DCLK1: variants seen among roughly 807,000 people sequenced by gnomAD.
DCLK1 encodes the protein doublecortin like kinase 1.
DCLK1 carries 16 observed loss-of-function variants against 86.2 expected under a neutral mutation model. The ratio of observed to expected loss-of-function variants is 0.19; its 90% confidence interval spans 0.13 to 0.28. The LOEUF is 0.28. Ranked by LOEUF, DCLK1 falls within the 10% of genes least tolerant of loss-of-function variation. The probability of loss-of-function intolerance (pLI) is 1.00; values close to 1 mark genes in which losing one functional copy is unlikely to be tolerated. For missense variants in DCLK1, 590 were observed against 940.2 expected, an observed-to-expected ratio of 0.63 and a Z score of 4.87; for synonymous variants, 369 against 370.5, an observed-to-expected ratio of 1.00 and a Z score of 0.05.
intron 4 of DCLK1, among the ~76,000 whole-genome samples, chr13:35,900,638 C>T (rs1874296920): frequency 6.6e-6 from 1 of 152,178 alleles, no homozygotes; most frequent in Admixed American, 6.5e-5. Context: ...TCAACCTTTG[C>T]ACTATTGGGC....
intron 4 of DCLK1, among the ~76,000 whole-genome samples, chr13:35,908,475 G>A (rs1006385028): frequency 2.0e-5 from 3 of 152,212 alleles, no homozygotes; most frequent in Non-Finnish European, 4.4e-5. Context: ...GCTATCCTTT[G>A]TTGGGGCATG....
intron 3 of DCLK1, among the ~76,000 whole-genome samples, chr13:36,032,386 C>T (rs1260324608): frequency 6.6e-6 from 1 of 152,128 alleles, no homozygotes; most frequent in African/African-American, 2.4e-5. Flanking sequence ...CAGGTGGATT[C>T]ACCCACCTTG....
intron 3 of DCLK1, among the ~76,000 whole-genome samples, chr13:36,065,993 C>A (rs1415260855): frequency 6.6e-6 from 1 of 151,894 alleles, no homozygotes; most frequent in Non-Finnish European, 1.5e-5. Flanking sequence ...TTCTTCATAC[C>A]AAATGCTATA....
intron 8 of DCLK1, among the ~76,000 whole-genome samples, chr13:35,834,984 C>T (rs934857153): frequency 1.3e-5 from 2 of 152,054 alleles, no homozygotes; most frequent in African/African-American, 4.8e-5. Context: ...GACTATTGGC[C>T]AAATGAAGAA....
intron 3 of DCLK1, among the ~76,000 whole-genome samples, chr13:35,956,611 C>A (rs531776237): frequency 1.3e-4 from 1 of 7,802 alleles, no homozygotes; most frequent in African/African-American, 4.3e-4. Flanking sequence ...AGAAACACTT[C>A]AAGTTCTCAT....
intron 4 of DCLK1, among the ~76,000 whole-genome samples, chr13:35,892,488 A>G (rs1053209923): frequency 6.6e-6 from 1 of 152,196 alleles, no homozygotes; most frequent in Non-Finnish European, 1.5e-5. Context: ...AACACTGTCA[A>G]TGTTTTCTAT....
chr13:35,870,936 G>A (rs995609893), intron 5 of DCLK1, among the ~76,000 whole-genome samples: 1 of 152,212 alleles, frequency 6.6e-6, no homozygotes, highest in Non-Finnish European at 1.5e-5. Context: ...GAATCTGAAA[G>A]ATTAACTTTG....
At chr13:35,948,349 C>G (rs1877492962) in intron 3 of DCLK1, among the ~76,000 whole-genome samples, 1 of 152,100 alleles carries the variant, frequency 6.6e-6, no homozygotes, top group African/African-American at 2.4e-5. Context: ...TTGCAGGCAC[C>G]CATTCAGAGC....
chr13:35,867,949 G>GAAAGAAAGAAAC (rs1555345744), intron 5 of DCLK1, among the ~76,000 whole-genome samples: 1 of 140,652 alleles, frequency 7.1e-6, no homozygotes, highest in African/African-American at 2.7e-5. Flanking sequence ...AAGAAAGAAA[G>GAAAGAAAGAAAC]AAAGAAAGAA....
intron 4 of DCLK1, among the ~76,000 whole-genome samples, chr13:35,939,309 CATACCAGAT>C (rs766140583): frequency 8.5e-5 from 13 of 152,218 alleles, no homozygotes; most frequent in Non-Finnish European, 4.4e-5. Context: ...CGGGAATGAT[CATACCAGAT>C]TTTATATCCT....
chr13:35,847,047 T>C lies in DCLK1; in HGVS notation c.1035+7452A>G, dbSNP rs367849452. 47 of 985,234 alleles carry C rather than the reference T, an allele frequency of 4.8e-5. No individual in the cohort carries two copies. In the African/African-American group the frequency reaches 7.5e-4, roughly 16 times the overall value. 61.0% of individuals were successfully genotyped at this position (985,234 alleles called of 1,614,324 possible). On this transcript the variant is annotated intron_variant, in intron 6 of 16. Coordinates refer to ENST00000360631, the MANE Select transcript of DCLK1 (RefSeq NM_001330071.2). ...AATGTTTCATTTTTTTAGAGTATAG[T>C]GATTGGCAACCACTACAAGCCATCC...
At chr13:35,947,478 A>C in intron 3 of DCLK1, 21 bp from the exon 4 acceptor site, 2 of 1,601,608 alleles carry the variant, frequency 1.2e-6, no homozygotes, top group Non-Finnish European at 1.7e-6. Flanking sequence ...AAAGCATGGC[A>C]CTCAGCAAGG....
chr13:35,876,612 C>T (rs1375425402), intron 4 of DCLK1, among the ~76,000 whole-genome samples: 2 of 152,070 alleles, frequency 1.3e-5, no homozygotes, highest in Non-Finnish European at 2.9e-5. Flanking sequence ...AGCTGATAAC[C>T]ACAATTTTGA....
chr13:35,863,159 G>A (rs1871523372), intron 5 of DCLK1, among the ~76,000 whole-genome samples: 1 of 152,212 alleles, frequency 6.6e-6, no homozygotes, highest in African/African-American at 2.4e-5. Context: ...CTAGGTTTGT[G>A]TATGTACACT....
At chr13:35,833,273 A>C (rs190965301) in intron 8 of DCLK1, among the ~76,000 whole-genome samples, 1,554 of 152,242 alleles carry the variant, frequency 0.01, 33 homozygotes, top group African/African-American at 0.035. Flanking sequence ...ATATCACCCC[A>C]ACCCTTGGCT....
intron 3 of DCLK1, among the ~76,000 whole-genome samples, chr13:35,998,461 C>T (rs1880569574): frequency 6.6e-6 from 1 of 152,076 alleles, no homozygotes; most frequent in African/African-American, 2.4e-5. Flanking sequence ...TCTGCCTCTT[C>T]GGGTCCCTGT....
chr13:35,805,719 G>A lies in DCLK1; in HGVS notation c.1924C>T (p.Leu642Phe), dbSNP rs1461765425. 2 of 1,613,896 alleles carry A rather than the reference G, an allele frequency of 1.2e-6. No individual in the cohort carries two copies. The highest frequency in any genetic ancestry group is 1.7e-6 in the Non-Finnish European group (2 of 1,179,910). ...VDQRFSAVQV[L>F]EHPWVNDDGL... The stretch of plus-strand genomic sequence containing the variant: ...CTTACATTAACCCAGGGATGCTCAA[G>A]TACTTGAACAGCAGAAAATCGCTGA... Residue 642 changes from leucine (L) to phenylalanine (F), a missense_variant, in exon 15 of 17, where the codon CTT becomes TTT. Leu to Phe is a conservative substitution (Grantham distance 22). Coordinates refer to ENST00000360631, the MANE Select transcript of DCLK1 (RefSeq NM_001330071.2).
At chr13:35,876,034 CAG>C (rs1872572848) in intron 4 of DCLK1, among the ~76,000 whole-genome samples, 1 of 152,090 alleles carries the variant, frequency 6.6e-6, no homozygotes, top group South Asian at 2.1e-4. Context: ...TGTCCATGGT[CAG>C]GGGCAGACAA....
chr13:35,788,106 T>A, intron 16 of DCLK1: 1 of 1,044,232 alleles, frequency 9.6e-7, no homozygotes, highest in South Asian at 1.3e-5. Flanking sequence ...GCATATGGAC[T>A]GGATAACAAA....
Sources: allele counts gnomAD v4.1 joint callset (sites outside exome capture counted in the v4.1 genomes callset), GRCh38; gene constraint gnomAD v4.1.1; transcripts MANE v1.5; gene names NCBI Gene and HGNC (gene_info 2026-07-23, HGNC 2026-07-21).